DMD: variants seen among roughly 807,000 people sequenced by gnomAD.
The protein encoded by DMD is dystrophin, also known as mutant dystrophin.
A neutral mutation model predicts 330.1 loss-of-function variants in DMD; 63 were observed. That is an observed-to-expected ratio of 0.19 (90% CI 0.16 to 0.24). DMD has a LOEUF of 0.24. Ranked by LOEUF, DMD falls within the 10% of genes least tolerant of loss-of-function variation. The pLI, the probability that DMD is intolerant of heterozygous loss-of-function variation, is 1.00. For synonymous variants in DMD, 1,223 were observed against 959.8 expected (o/e 1.27, Z -5.07); for missense variants, 3,344 against 2,684.1 (o/e 1.25, Z -5.43).
chrX:31,923,843 G>A (rs1452674940), intron 47 of DMD, among the ~76,000 whole-genome samples: 4 of 111,519 alleles, frequency 3.6e-5, no homozygotes, highest in Non-Finnish European at 3.8e-5. Context: ...TGATCTGCCC[G>A]CCTGGGCCTC....
At chrX:31,191,447 A>G (rs1016523705) in intron 67 of DMD, among the ~76,000 whole-genome samples, 1 of 111,599 alleles carries the variant, frequency 9.0e-6, no homozygotes, top group Admixed American at 9.5e-5. Context: ...ATCTTGAATT[A>G]TAACTCCCAC....
chrX:32,665,476 G>A (rs1216707799), intron 9 of DMD, among the ~76,000 whole-genome samples: 9 of 112,006 alleles, frequency 8.0e-5, no homozygotes, highest in Non-Finnish European at 1.3e-4. Context: ...TGCCAATTAA[G>A]GCACACTTAA....
At chrX:32,731,646 G>C (rs536786552) in intron 7 of DMD, among the ~76,000 whole-genome samples, 1 of 111,808 alleles carries the variant, frequency 8.9e-6, no homozygotes, top group South Asian at 3.8e-4. Context: ...TCCCCAAAAG[G>C]GGCATACTGA....
intron 15 of DMD, among the ~76,000 whole-genome samples, chrX:32,569,844 C>G (rs1302107792): frequency 9.0e-6 from 1 of 111,270 alleles, no homozygotes; most frequent in Non-Finnish European, 1.9e-5. Flanking sequence ...ACAGTCCCCA[C>G]AGCAGAAATA....
chrX:32,136,888 T>C (rs770306767), intron 44 of DMD, among the ~76,000 whole-genome samples: 3 of 109,257 alleles, frequency 2.7e-5, no homozygotes, highest in East Asian at 5.8e-4. Context: ...AGGGATAGCA[T>C]TGGGAGATTT....
chrX:32,576,525 C>T (rs1485471060), intron 13 of DMD, among the ~76,000 whole-genome samples: 4 of 110,809 alleles, frequency 3.6e-5, no homozygotes, highest in Admixed American at 2.9e-4. Context: ...GTAACATTGA[C>T]AGCATGAAGA....
At chrX:31,420,712 T>G (rs2063323360) in intron 60 of DMD, among the ~76,000 whole-genome samples, 1 of 112,455 alleles carries the variant, frequency 8.9e-6, no homozygotes, top group Non-Finnish European at 1.9e-5. Context: ...CATTTCTCAC[T>G]TCTATGAATG....
chrX:31,651,047 G>C (rs1181523187), intron 54 of DMD, among the ~76,000 whole-genome samples: 9 of 112,029 alleles, frequency 8.0e-5, no homozygotes, highest in Non-Finnish European at 1.3e-4. Flanking sequence ...TTTTGAAGTA[G>C]AATTCACAGA....
chrX:32,174,953 T>C (rs1240530002), intron 44 of DMD, among the ~76,000 whole-genome samples: 1 of 111,739 alleles, frequency 8.9e-6, no homozygotes, highest in Non-Finnish European at 1.9e-5. Flanking sequence ...TTTGAAACTT[T>C]GAAAAGATTT....
intron 32 of DMD, among the ~76,000 whole-genome samples, chrX:32,387,767 T>C (rs1258442725): frequency 9.0e-6 from 1 of 111,482 alleles, no homozygotes; most frequent in Non-Finnish European, 1.9e-5. Flanking sequence ...AATTAATTAT[T>C]ATGTTGGAAA....
chrX:31,579,162 G>A (rs1050896704), intron 55 of DMD, among the ~76,000 whole-genome samples: 2 of 112,258 alleles, frequency 1.8e-5, no homozygotes, highest in African/African-American at 6.5e-5. Flanking sequence ...CAGACTGACT[G>A]TATAGCTTAG....
At chrX:32,361,984 A>T (rs866345015) in intron 37 of DMD, among the ~76,000 whole-genome samples, 1 of 111,664 alleles carries the variant, frequency 9.0e-6, no homozygotes. Flanking sequence ...AAATCTTCCC[A>T]AAGAGCTGAA....
intron 55 of DMD, among the ~76,000 whole-genome samples, chrX:31,611,850 A>G (rs1365948526): frequency 2.7e-5 from 3 of 111,027 alleles, no homozygotes; most frequent in African/African-American, 9.8e-5. Context: ...AGTGACCCAC[A>G]ATGCCTGGCC....
At chrX:32,883,846 A>AAAAAGAAAAGAAAAAG (rs2084250998) in intron 2 of DMD, among the ~76,000 whole-genome samples, 4 of 101,967 alleles carry the variant, frequency 3.9e-5, no homozygotes, top group African/African-American at 1.5e-4. Context: ...AAAAAAAAAA[A>AAAAAGAAAAGAAAAAG]AAAAAGAAAA....
At chrX:32,741,732 A>C (rs1000403788) in intron 7 of DMD, among the ~76,000 whole-genome samples, 10 of 112,013 alleles carry the variant, frequency 8.9e-5, no homozygotes, top group Admixed American at 5.7e-4. Flanking sequence ...TAATACCAAC[A>C]CAATATTTGG....
chrX:33,337,613 T>G (rs752833593), intron 1 of DMD, among the ~76,000 whole-genome samples: 1 of 112,313 alleles, frequency 8.9e-6, no homozygotes, highest in East Asian at 2.8e-4. Context: ...TGAATGATAT[T>G]CAACCACGGT....
intron 2 of DMD, among the ~76,000 whole-genome samples, chrX:32,984,416 G>A (rs930066298): frequency 6.7e-4 from 74 of 111,183 alleles, no homozygotes; most frequent in African/African-American, 2.1e-3. Flanking sequence ...CACCACACCC[G>A]GCTAATTTTT....
chrX:33,228,587 A>C (rs1282004923), intron 1 of DMD, among the ~76,000 whole-genome samples: 1 of 110,432 alleles, frequency 9.1e-6, no homozygotes, highest in Non-Finnish European at 1.9e-5. Context: ...CAAAAATATA[A>C]TACATTTTTA....
chrX:32,699,407 G>C lies in DMD; in HGVS notation c.650-114C>G. The C allele has an allele frequency of 6.6e-6, 4 of 604,088 alleles. No homozygotes were observed. In the South Asian group the frequency reaches 9.9e-5, roughly 15 times the overall value. 49.8% of individuals were successfully genotyped at this position (604,088 alleles called of 1,213,427 possible). A position where few individuals can be genotyped will look rare whatever the true frequency, so the allele number is the denominator to read the frequency against. ...ACGATAGATTAATGAACAGTGAATT[G>C]TCCATGAATGTCCTCCAGAGACTAA... On this transcript the variant is annotated intron_variant, in intron 7 of 78. Transcript: ENST00000357033.
Sources: allele counts gnomAD v4.1 joint callset (sites outside exome capture counted in the v4.1 genomes callset), GRCh38; gene constraint gnomAD v4.1.1; transcripts MANE v1.5; gene names NCBI Gene and HGNC (gene_info 2026-07-23, HGNC 2026-07-21).